FBXO36: variants seen among roughly 807,000 people sequenced by gnomAD.
The protein encoded by FBXO36 is F-box protein 36, also known as F-box only protein 36.
Under a neutral mutation model 17.0 loss-of-function variants are expected in FBXO36, and 18 were observed. That is an observed-to-expected ratio of 1.06 (90% CI 0.73 to 1.57). The LOEUF is 1.57. FBXO36 is among the 40% of genes most tolerant of loss of function. The pLI, the probability that FBXO36 is intolerant of heterozygous loss-of-function variation, is 0.00. For synonymous variants in FBXO36, 83 were observed against 85.3 expected, an observed-to-expected ratio of 0.97 and a Z score of 0.15; for missense variants, 229 against 221.9, an observed-to-expected ratio of 1.03 and a Z score of -0.20.
rs564676827 is a variant in FBXO36 at position 229,988,211 on chromosome 2, G to A, written c.206-8540G>A. On this transcript the variant is annotated intron_variant, in intron 2 of 3. Coordinates refer to ENST00000283946, the MANE Select transcript of FBXO36 (RefSeq NM_174899.5). ...CAGAGAATCTACTCAAAATTATAAC[G>A]TATTTTTTTAGATAACCATCTCAAA... Among the ~76,000 whole-genome samples, 8 of 152,002 alleles carry A rather than the reference G, an allele frequency of 5.3e-5. No individual in the cohort carries two copies. In the East Asian group the frequency reaches 7.7e-4, roughly 15 times the overall value.
chr2:229,922,659 G>T, intron 1 of FBXO36, 50 bp downstream of exon 1: 2 of 1,590,576 alleles, frequency 1.3e-6, no homozygotes, highest in Non-Finnish European at 1.7e-6. Flanking sequence ...TACCTGGCCC[G>T]GTTGGGGCCC....
intron 3 of FBXO36, among the ~76,000 whole-genome samples, chr2:230,003,534 CTTCT>C (rs901043040): frequency 4.7e-4 from 42 of 89,414 alleles, no homozygotes; most frequent in Middle Eastern, 0.013. Context: ...AGGTGTTCTT[CTTCT>C]TTTTTTTTTT....
intron 1 of FBXO36, among the ~76,000 whole-genome samples, chr2:229,938,450 C>T (rs2076978049): frequency 6.7e-6 from 1 of 149,246 alleles, no homozygotes; most frequent in Admixed American, 6.7e-5. Flanking sequence ...GCGTGAGCCA[C>T]CGCGCCAGAC....
intron 2 of FBXO36, among the ~76,000 whole-genome samples, chr2:229,995,261 C>G (rs1405560609): frequency 6.6e-6 from 1 of 152,174 alleles, no homozygotes; most frequent in African/African-American, 2.4e-5. Flanking sequence ...ATTTAAACAT[C>G]TATCCTTCCA....
chr2:230,000,521 T>G (rs368541364), intron 3 of FBXO36, among the ~76,000 whole-genome samples: 1 of 152,148 alleles, frequency 6.6e-6, no homozygotes, highest in East Asian at 1.9e-4. Flanking sequence ...CCATTTACTT[T>G]CAGTAAATTT....
At chr2:229,924,046 G>A (rs1258008158) in intron 1 of FBXO36, among the ~76,000 whole-genome samples, 2 of 150,120 alleles carry the variant, frequency 1.3e-5, no homozygotes, top group East Asian at 3.9e-4. Flanking sequence ...GCCCGGCCTT[G>A]TACATTTTTT....
chr2:229,922,912 A>G (rs2076804314), intron 1 of FBXO36, among the ~76,000 whole-genome samples: 1 of 152,142 alleles, frequency 6.6e-6, no homozygotes, highest in Non-Finnish European at 1.5e-5. Context: ...GAAGAGGAAA[A>G]CGGGCGTCTC....
intron 1 of FBXO36, among the ~76,000 whole-genome samples, chr2:229,960,226 G>A (rs184507410): frequency 3.6e-4 from 55 of 152,148 alleles, no homozygotes; most frequent in African/African-American, 1.1e-3. Flanking sequence ...CATCCAGGCT[G>A]TAGTGCAATG....
chr2:229,987,335 CTCT>C (rs1227948447), intron 2 of FBXO36, among the ~76,000 whole-genome samples: 2 of 151,732 alleles, frequency 1.3e-5, no homozygotes, highest in Admixed American at 6.6e-5. Context: ...TCATAATATC[CTCT>C]TCTTTTGATG....
intron 1 of FBXO36, among the ~76,000 whole-genome samples, chr2:229,925,485 AGATT>A (rs1192179869): frequency 6.6e-6 from 1 of 152,194 alleles, no homozygotes; most frequent in African/African-American, 2.4e-5. Context: ...TTTATAAGAT[AGATT>A]TTTTTTCTGG....
chr2:229,987,882 C>T (rs2077277163), intron 2 of FBXO36, among the ~76,000 whole-genome samples: 1 of 152,154 alleles, frequency 6.6e-6, no homozygotes, highest in Non-Finnish European at 1.5e-5. Context: ...ATTCCTCCCA[C>T]CTTGGCCTCC....
intron 1 of FBXO36, among the ~76,000 whole-genome samples, chr2:229,933,772 A>C (rs371363980): frequency 6.6e-6 from 1 of 151,984 alleles, no homozygotes. Context: ...TGCAACCCAC[A>C]CTTCCCGGGT....
chr2:230,008,594 G>A (rs940528769), intron 3 of FBXO36, among the ~76,000 whole-genome samples: 1 of 151,988 alleles, frequency 6.6e-6, no homozygotes, highest in African/African-American at 2.4e-5. Flanking sequence ...GCTCTTTTGA[G>A]AATTATTTCC....
chr2:230,003,953 T>C (rs1248497574), intron 3 of FBXO36, among the ~76,000 whole-genome samples: 1 of 152,224 alleles, frequency 6.6e-6, no homozygotes, highest in Non-Finnish European at 1.5e-5. Flanking sequence ...CATTTTACAT[T>C]GTACTCTGGT....
chr2:230,006,496 T>G, intron 3 of FBXO36, among the ~76,000 whole-genome samples: 1 of 151,702 alleles, frequency 6.6e-6, no homozygotes, highest in Non-Finnish European at 1.5e-5. Context: ...CTGGACCGAG[T>G]GATATATGGA....
At chr2:229,938,933 C>A (rs768540670) in intron 1 of FBXO36, among the ~76,000 whole-genome samples, 3 of 122,196 alleles carry the variant, frequency 2.5e-5, no homozygotes, top group Non-Finnish European at 5.2e-5. Context: ...CCACCATGCC[C>A]GGCTAATTTT....
chr2:230,007,687 C>T (rs1329798713), intron 3 of FBXO36, among the ~76,000 whole-genome samples: 2 of 152,042 alleles, frequency 1.3e-5, no homozygotes, highest in Non-Finnish European at 2.9e-5. Context: ...CTGCAATCTA[C>T]CTCCCAGGTT....
rs1349133879 is a variant in FBXO36, at chr2:230,011,196, A to G, written c.*312A>G. ...TTTCTATTGTATATAAACAAACAAT[A>G]AATGATTATTAGCAGGTTTTTATTA... On this transcript the variant is annotated 3_prime_UTR_variant, in exon 4 of 4. Coordinates refer to ENST00000283946, the MANE Select transcript of FBXO36 (RefSeq NM_174899.5). 1.1e-5 allele frequency: 2 copies of G among 188,620 alleles called. No individual in the cohort carries two copies. The highest frequency in any genetic ancestry group is 1.2e-4 in the Admixed American group (2 of 16,850). 11.7% of individuals were successfully genotyped at this position (188,620 alleles called of 1,614,324 possible).
intron 2 of FBXO36, among the ~76,000 whole-genome samples, chr2:229,988,387 A>G (rs1023779467): frequency 3.3e-5 from 5 of 152,172 alleles, no homozygotes; most frequent in African/African-American, 1.2e-4. Context: ...ACAAATTCAT[A>G]AATATGTTTA....
Sources: gnomAD v4.1 joint callset for allele counts (sites outside exome capture counted in the v4.1 genomes callset) on GRCh38, gnomAD v4.1.1 for gene constraint, MANE v1.5 for transcripts, NCBI Gene and HGNC (gene_info 2026-07-23, HGNC 2026-07-21) for gene names.